Variants in STPG2 observed in about 807,000 individuals in gnomAD.
STPG2 encodes sperm tail PG-rich repeat containing 2, also known as sperm-tail PG-rich repeat-containing protein 2.
Under a neutral mutation model 54.2 loss-of-function variants are expected in STPG2, and 56 were observed. The ratio of observed to expected loss-of-function variants is 1.03; its 90% CI spans 0.83 to 1.29. The LOEUF (loss-of-function observed/expected upper bound fraction) is 1.29. STPG2 is among the 50% of genes most tolerant of loss of function. The probability of loss-of-function intolerance (pLI) is 0.00; values close to 1 mark genes in which losing one functional copy is unlikely to be tolerated. For missense variants in STPG2, 596 were observed against 544.9 expected (o/e 1.09, Z -0.93); for synonymous variants, 200 against 181.8 (o/e 1.10, Z -0.81).
chr4:97,871,594 T>G (rs1042743114), intron 8 of STPG2, among the ~76,000 whole-genome samples: 1 of 151,162 alleles, frequency 6.6e-6, no homozygotes, highest in Non-Finnish European at 1.5e-5. Flanking sequence ...TTTACTAACA[T>G]CAGTTTTGTT....
chr4:97,866,598 C>A (rs1007904908), intron 8 of STPG2, among the ~76,000 whole-genome samples: 2 of 151,798 alleles, frequency 1.3e-5, no homozygotes, highest in Non-Finnish European at 2.9e-5. Context: ...TTTGGTACTG[C>A]AAATTGTGAT....
intron 4 of STPG2, among the ~76,000 whole-genome samples, chr4:97,519,356 G>A (rs1731136589): frequency 6.6e-6 from 1 of 151,898 alleles, no homozygotes; most frequent in Non-Finnish European, 1.5e-5. Context: ...GCCCTGGAAG[G>A]CATCAAGGTC....
At chr4:97,680,822 C>T (rs962140305) in intron 10 of STPG2, among the ~76,000 whole-genome samples, 1 of 151,714 alleles carries the variant, frequency 6.6e-6, no homozygotes, top group African/African-American at 2.4e-5. Context: ...CCCATGAAGA[C>T]CTGAATAATA....
chr4:97,651,469 A>G (rs1328965850), intron 10 of STPG2, among the ~76,000 whole-genome samples: 1 of 152,048 alleles, frequency 6.6e-6, no homozygotes, highest in Non-Finnish European at 1.5e-5. Context: ...TTGTTAATTA[A>G]GCTATCTGGA....
At chr4:97,965,730 G>C (rs773527949) in intron 7 of STPG2, among the ~76,000 whole-genome samples, 1 of 152,166 alleles carries the variant, frequency 6.6e-6, no homozygotes, top group Non-Finnish European at 1.5e-5. Context: ...AACGGGGTCT[G>C]GAGTAGACCT....
At chr4:97,565,166 C>T (rs908334077) in intron 10 of STPG2, among the ~76,000 whole-genome samples, 4 of 152,084 alleles carry the variant, frequency 2.6e-5, no homozygotes, top group South Asian at 2.1e-4. Context: ...CTTCCCTTCT[C>T]GCTTCATTTC....
chr4:98,135,882 C>A lies in STPG2; in HGVS notation c.110-1423G>T, dbSNP rs569977945. On this transcript the variant is annotated intron_variant, in intron 1 of 10. Coordinates refer to ENST00000295268, the MANE Select transcript of STPG2 (RefSeq NM_174952.3). ...TAGCCAGAGAACAAGAACCAGATTT[C>A]ATTCCAAATACATATATAAATACAC... 2.6e-5 allele frequency among the ~76,000 whole-genome samples: 4 copies of A among 151,866 alleles called. No individual in the cohort carries two copies. The South Asian group carries it at 8.3e-4, about 32-fold the overall frequency.
At chr4:97,978,621 C>T (rs1272120968) in intron 6 of STPG2, among the ~76,000 whole-genome samples, 1 of 152,002 alleles carries the variant, frequency 6.6e-6, no homozygotes, top group Non-Finnish European at 1.5e-5. Flanking sequence ...ACAAATTTAC[C>T]TATATGACAA....
intron 8 of STPG2, among the ~76,000 whole-genome samples, chr4:97,900,918 C>A (rs1192369899): frequency 2.6e-5 from 4 of 151,700 alleles, no homozygotes; most frequent in African/African-American, 9.7e-5. Flanking sequence ...TATCCTCAAA[C>A]TGAAAATAAA....
intron 8 of STPG2, among the ~76,000 whole-genome samples, chr4:97,904,955 G>A (rs1731345852): frequency 6.6e-6 from 1 of 152,066 alleles, no homozygotes; most frequent in Admixed American, 6.6e-5. Context: ...ATGGGACTAT[G>A]TGAAAAGACA....
At chr4:98,118,222 C>G (rs530129098) in intron 3 of STPG2, among the ~76,000 whole-genome samples, 20 of 152,106 alleles carry the variant, frequency 1.3e-4, no homozygotes, top group Non-Finnish European at 2.4e-4. Context: ...CCAAGGCCCT[C>G]TGTACATGTG....
chr4:98,141,845 T>G lies in STPG2; in HGVS notation c.109+1197A>C, dbSNP rs528047446. ...TTAAAGAAGGCCATGAAGGACTGCTTGGAGAGGGGGAGAAGATGATGCCCT... is the reference window on the plus strand; with the variant it reads ...TTAAAGAAGGCCATGAAGGACTGCTGGGAGAGGGGGAGAAGATGATGCCCT... On this transcript the variant is annotated intron_variant, in intron 1 of 10. Coordinates refer to ENST00000295268, the MANE Select transcript of STPG2 (RefSeq NM_174952.3). 4.3e-3 allele frequency among the ~76,000 whole-genome samples: 639 copies of G among 149,776 alleles called. 3 individuals are homozygous for G. Among genetic ancestry groups the G allele is most frequent in the South Asian group, 0.025 (119 of 4,774 alleles).
chr4:97,595,211 CAAT>C (rs1346916775), intron 10 of STPG2, among the ~76,000 whole-genome samples: 1 of 152,088 alleles, frequency 6.6e-6, no homozygotes, highest in Non-Finnish European at 1.5e-5. Context: ...AAATGTCCAA[CAAT>C]GATAGACTGG....
intron 3 of STPG2, among the ~76,000 whole-genome samples, chr4:98,111,042 T>C (rs1350203838): frequency 6.6e-6 from 1 of 152,102 alleles, no homozygotes; most frequent in Non-Finnish European, 1.5e-5. Flanking sequence ...TTAAGGACTT[T>C]CTGGAAGATA....
intron 7 of STPG2, among the ~76,000 whole-genome samples, chr4:97,948,705 T>C (rs1416091227): frequency 6.6e-6 from 1 of 152,162 alleles, no homozygotes; most frequent in Non-Finnish European, 1.5e-5. Context: ...TTAATTTCTA[T>C]GTATAGGTAT....
chr4:97,448,674 C>G (rs1459739582), intron 4 of STPG2, among the ~76,000 whole-genome samples: 1 of 152,132 alleles, frequency 6.6e-6, no homozygotes, highest in African/African-American at 2.4e-5. Context: ...AAACCTCTTT[C>G]CTTTATAAAT....
At chr4:97,502,350 A>G (rs1730743729) in intron 4 of STPG2, among the ~76,000 whole-genome samples, 1 of 152,034 alleles carries the variant, frequency 6.6e-6, no homozygotes, top group Non-Finnish European at 1.5e-5. Flanking sequence ...ATTATTCAAG[A>G]TGGCCTTAAA....
At chr4:97,705,724 A>T (rs114132071) in intron 10 of STPG2, among the ~76,000 whole-genome samples, 2,459 of 151,982 alleles carry the variant, frequency 0.016, 62 homozygotes, top group African/African-American at 0.057. Context: ...AACAAATAAT[A>T]ATTATTTTAT....
chr4:97,545,451 T>C (rs1731814820), intron 4 of STPG2, among the ~76,000 whole-genome samples: 1 of 152,090 alleles, frequency 6.6e-6, no homozygotes, highest in Non-Finnish European at 1.5e-5. Flanking sequence ...TGAATAAAAA[T>C]GTTAAGCAAT....
Sources: allele counts gnomAD v4.1 joint callset (sites outside exome capture counted in the v4.1 genomes callset), GRCh38; gene constraint gnomAD v4.1.1; transcripts MANE v1.5; gene names NCBI Gene and HGNC (gene_info 2026-07-23, HGNC 2026-07-21).